PRDM15: variants seen among roughly 807,000 people sequenced by gnomAD.
PRDM15 encodes the protein PR/SET domain 15, also known as PR domain zinc finger protein 15.
Under a neutral mutation model 128.6 loss-of-function variants are expected in PRDM15, and 64 were observed. The ratio of observed to expected loss-of-function variants is 0.50; its 90% confidence interval spans 0.41 to 0.61. PRDM15 has a LOEUF of 0.61. Among genes scored for constraint, PRDM15 ranks in the 20% least tolerant of loss-of-function variants. The probability of loss-of-function intolerance (pLI) is 0.00; values close to 1 mark genes in which losing one functional copy is unlikely to be tolerated. For missense variants in PRDM15, 1,242 were observed against 1,569.1 expected, an observed-to-expected ratio of 0.79 and a Z score of 3.52; for synonymous variants, 615 against 621.8, an observed-to-expected ratio of 0.99 and a Z score of 0.16.
chr21:41,847,955 G>A (rs1356119149), intron 5 of PRDM15, among the ~76,000 whole-genome samples: 1 of 152,182 alleles, frequency 6.6e-6, no homozygotes, highest in Non-Finnish European at 1.5e-5. Context: ...AGTCACTGAT[G>A]CTCTTGTGCA....
rs1318094437 is a variant in PRDM15 at position 41,854,885 on chromosome 21, TG to T, written c.286-68del. 12 of 1,535,654 alleles carry T rather than the reference TG, an allele frequency of 7.8e-6. No homozygotes were observed. Among genetic ancestry groups the T allele is most frequent in the Admixed American group, 1.8e-5 (1 of 55,382 alleles). ...GATTACCCATCTGTGTATCAGCGTG[TG>T]GGGGGCAGGTGCTGAGGAACCCATC... On this transcript the variant is annotated intron_variant, in intron 4 of 23. Transcript: ENST00000398548. This position sits in a 1 kb window ranked among gnomAD's most constrained non-coding sequence, Gnocchi z 4.6.
Position 41,810,232 on chromosome 21 carries a change from C to T in PRDM15, c.2574G>A (p.Ala858=), listed in dbSNP as rs994843806. ...HVQLTHDKVE[A]QSCQLCGTKV... ...TGGTCCCGCACAGCTGGCAGCTCTG[C>T]GCCTCCACCTTGTCGTGTGTGAGCT... The change falls in exon 21 of 24, where the codon GCG becomes GCA. Residue 858 remains alanine, a synonymous_variant. Transcript: ENST00000398548. The surrounding 1 kb of genome is among the most constrained non-coding windows in gnomAD (Gnocchi z 6.4). The T allele has an allele frequency of 1.7e-5, 28 of 1,613,002 alleles. No individual in the cohort carries two copies. The highest frequency in any genetic ancestry group is 4.0e-5 in the African/African-American group (3 of 74,936).
chr21:41,861,828 A>C, intron 1 of PRDM15: 1 of 1,584,136 alleles, frequency 6.3e-7, no homozygotes. Flanking sequence ...GAGGAAAGAG[A>C]GTTCCAATTT....
At chr21:41,871,710 G>A (rs1463830980) in intron 1 of PRDM15, 104 of 1,436,254 alleles carry the variant, frequency 7.2e-5, no homozygotes, top group Non-Finnish European at 9.6e-5. Flanking sequence ...AACTAACAGT[G>A]GTCCTCTGTT....
At chr21:41,808,449 C>T (rs2061750642) in intron 21 of PRDM15, among the ~76,000 whole-genome samples, 2 of 152,342 alleles carry the variant, frequency 1.3e-5, no homozygotes, top group Middle Eastern at 3.4e-3. Flanking sequence ...TGCAGAGGAA[C>T]AGCAACACGG....
At chr21:41,835,370 G>C in intron 11 of PRDM15, 67 bp downstream of exon 11, 7 of 1,301,468 alleles carry the variant, frequency 5.4e-6, no homozygotes, top group Non-Finnish European at 7.7e-6. Context: ...AAGTTCCACG[G>C]TCTCCGCGGC....
intron 1 of PRDM15, among the ~76,000 whole-genome samples, chr21:41,872,714 C>A (rs1169634347): frequency 6.6e-6 from 1 of 152,106 alleles, no homozygotes; most frequent in Admixed American, 6.6e-5. Flanking sequence ...TTGTGCGGGC[C>A]AGAGGTGGTG....
At position 41,815,709 on chromosome 21, in the gene PRDM15, G is replaced by A. The variant is rs1035472213; in HGVS notation, c.2388C>T (p.His796=). 2 of 1,613,466 alleles carry A rather than the reference G, an allele frequency of 1.2e-6. No individual in the cohort carries two copies. The highest frequency in any genetic ancestry group is 1.3e-5 in the African/African-American group (1 of 75,062). The change falls in exon 19 of 24, where the codon CAC becomes CAT. Residue 796 remains histidine, a synonymous_variant. Coordinates refer to ENST00000398548, the MANE Select transcript of PRDM15 (RefSeq NM_001040424.3). The stretch of plus-strand genomic sequence containing the variant: ...CGGCCCGGGCCTCGGACTCACCCGT[G>A]TGCCGCTTGCAGTGCTTGAGCATGT... ...KVNMLKHCKR[H]TGIKDFMCEL...
intron 5 of PRDM15, among the ~76,000 whole-genome samples, chr21:41,847,668 C>T (rs796434065): frequency 4.6e-4 from 70 of 152,316 alleles, no homozygotes; most frequent in African/African-American, 1.7e-3. Context: ...TCCGGCAGAG[C>T]TTTCTGTGGA....
At chr21:41,849,891 G>A (rs1189520793) in intron 5 of PRDM15, among the ~76,000 whole-genome samples, 1 of 152,074 alleles carries the variant, frequency 6.6e-6, no homozygotes, top group East Asian at 1.9e-4. Flanking sequence ...AGCTGAGATT[G>A]GGCCACCACA....
At chr21:41,873,444 G>A (rs969194091) in intron 1 of PRDM15, among the ~76,000 whole-genome samples, 8 of 152,248 alleles carry the variant, frequency 5.3e-5, no homozygotes, top group Admixed American at 3.3e-4. Flanking sequence ...TTCCAGCGTC[G>A]TGGCTGATGC....
chr21:41,839,784 G>T lies in PRDM15; in HGVS notation c.710C>A (p.Pro237His). 1.2e-6 allele frequency: 2 copies of T among 1,614,262 alleles called. No individual in the cohort carries two copies. The highest frequency in any genetic ancestry group is 1.7e-6 in the Non-Finnish European group (2 of 1,180,054). The change falls in exon 7 of 24, where the codon CCC becomes CAC. Residue 237 changes from proline to histidine, a missense_variant. Pro to His is a moderately conservative substitution (Grantham distance 77, BLOSUM62 -2). Coordinates refer to ENST00000398548, the MANE Select transcript of PRDM15 (RefSeq NM_001040424.3). ...PPGSQSEAAA[P>H]EKEQDTPRGE... ...CCGGGGTGTGTCCTGCTCCTTCTCG[G>T]GAGCTGCTGCCTCGCTTTGGCTGCC...
chr21:41,834,732 G>A (rs1303819621), intron 11 of PRDM15, among the ~76,000 whole-genome samples: 1 of 152,208 alleles, frequency 6.6e-6, no homozygotes, highest in Non-Finnish European at 1.5e-5. Context: ...GGCGTCCTCG[G>A]GCCACGTGGA....
intron 19 of PRDM15, chr21:41,814,477 C>T (rs1244969098): frequency 2.4e-5 from 3 of 124,896 alleles, no homozygotes; most frequent in African/African-American, 6.1e-5. Context: ...GCGCAGGGTG[C>T]TCTAGTGTGT....
intron 7 of PRDM15, 87 bp downstream of exon 7, chr21:41,839,536 C>CGCCCTCT (rs1418388408): frequency 9.1e-7 from 1 of 1,102,258 alleles, no homozygotes; most frequent in East Asian, 2.4e-5. Flanking sequence ...TTTCCCGCCC[C>CGCCCTCT]GCCCTCTGCC....
Position 41,836,527 on chromosome 21 carries a change from T to C in PRDM15, c.1124A>G (p.Asn375Ser). The C allele has an allele frequency of 4.3e-6, 7 of 1,612,688 alleles. No homozygotes were observed. The highest frequency in any genetic ancestry group is 3.9e-4 in the Middle Eastern group (2 of 5,170). The part of the protein sequence containing the change: ...LGEHKRVYQC[N>S]ICSKIFQNSS... ...GTTCTGGAAGATCTTGCTGCAGATA[T>C]TGCACTGGTAAACCCGCTTGTGCTC... The change falls in exon 9 of 24, where the codon AAT (asparagine) becomes AGT (serine). Residue 375 changes from asparagine (N) to serine (S), a missense_variant. Physicochemically the swap from Asn to Ser is conservative, Grantham distance 46. Around this residue, in one of 3 missense-constraint regions of PRDM15, gnomAD observed 612 missense variants for 717.0 expected, o/e 0.85. Transcript: ENST00000398548.
intron 6 of PRDM15, among the ~76,000 whole-genome samples, chr21:41,841,872 C>G (rs1246614588): frequency 2.6e-5 from 4 of 152,196 alleles, no homozygotes; most frequent in Non-Finnish European, 5.9e-5. Context: ...CCTCGTAGAT[C>G]TGCCAATTTT....
At chr21:41,855,934 T>C (rs536555098) in intron 4 of PRDM15, among the ~76,000 whole-genome samples, 62 of 4,000 alleles carry the variant, frequency 0.015, 1 homozygote, top group Non-Finnish European at 0.018. Context: ...CTCCCTCCCT[T>C]CCTTCCTTTC....
At chr21:41,815,514 C>T (rs1201727692) in intron 19 of PRDM15, among the ~76,000 whole-genome samples, 191 bp downstream of exon 19, 3 of 152,248 alleles carry the variant, frequency 2.0e-5, no homozygotes, top group Non-Finnish European at 2.9e-5. Flanking sequence ...GACGAGGCCC[C>T]TGTGGGAGGG....
Sources: allele counts gnomAD v4.1 joint callset (sites outside exome capture counted in the v4.1 genomes callset), GRCh38; gene constraint gnomAD v4.1.1; regional missense constraint gnomAD v4.1.1; non-coding constraint Gnocchi (gnomAD v3.1); transcripts MANE v1.5; gene names NCBI Gene and HGNC (gene_info 2026-07-23, HGNC 2026-07-21).